The following NFAM1 variants were observed in gnomAD, a reference collection of about 807,000 sequenced individuals.
NFAM1 encodes NFAT activation molecule 1.
Under a neutral mutation model 29.0 loss-of-function variants are expected in NFAM1, and 17 were observed. That is an observed-to-expected ratio of 0.59 (90% confidence interval 0.40 to 0.88). NFAM1 has a LOEUF of 0.88. NFAM1 is among the 40% of genes least tolerant of loss of function. NFAM1 has a pLI of 0.00. For missense variants in NFAM1, 324 were observed against 344.6 expected (o/e 0.94, Z 0.47); for synonymous variants, 175 against 147.2 (o/e 1.19, Z -1.36).
At chr22:42,436,900 C>T (rs1425948201), upstream of NFAM1, 20 of 530,692 alleles carry the variant, frequency 3.8e-5, no homozygotes, top group South Asian at 8.1e-5. Flanking sequence ...TTAATCAGGG[C>T]AGATATTATA....
chr22:42,427,966 C>T (rs762546037), intron 1 of NFAM1, among the ~76,000 whole-genome samples: 21 of 152,246 alleles, frequency 1.4e-4, no homozygotes, highest in Non-Finnish European at 2.2e-4. Flanking sequence ...CATTCTTGAC[C>T]TGGTGAGAGT....
chr22:42,407,735 G>A (rs1056439702), intron 3 of NFAM1, among the ~76,000 whole-genome samples: 1 of 151,998 alleles, frequency 6.6e-6, no homozygotes, highest in Admixed American at 6.6e-5. Flanking sequence ...GACCACAGGT[G>A]CATGCTACCA....
At chr22:42,428,313 G>A (rs1334300844) in intron 1 of NFAM1, among the ~76,000 whole-genome samples, 1 of 152,154 alleles carries the variant, frequency 6.6e-6, no homozygotes, top group Non-Finnish European at 1.5e-5. Flanking sequence ...CCTGTGCCTC[G>A]AAAGTCCTTT....
In NFAM1 at chr22:42,411,645, G is replaced by A. The variant is rs149512432; in HGVS notation, c.213C>T (p.Tyr71=). Residue 71 remains tyrosine (Y), a synonymous_variant, in exon 2 of 6, where the codon TAC becomes TAT. Coordinates refer to ENST00000329021, the MANE Select transcript of NFAM1 (RefSeq NM_145912.8). ...ISFSCRITYP[Y]TPQFKVFTVS... ...CTGTGAAAACCTTGAATTGGGGAGT[G>A]TATGGATAGGTGATCCTGCAGCTGA... 2.4e-5 allele frequency: 39 copies of A among 1,613,876 alleles called. No individual in the cohort carries two copies. Among genetic ancestry groups the A allele is most frequent in the Middle Eastern group, 1.6e-4 (1 of 6,082 alleles).
At chr22:42,416,963 G>C (rs1930280457) in intron 1 of NFAM1, among the ~76,000 whole-genome samples, 1 of 152,112 alleles carries the variant, frequency 6.6e-6, no homozygotes. Flanking sequence ...GGGAGTGAGA[G>C]CCACAGAATT....
In NFAM1 at chr22:42,415,135, C is replaced by T. The variant is rs943265363; in HGVS notation, c.122-3399G>A. 1.4e-4 allele frequency among the ~76,000 whole-genome samples: 21 copies of T among 152,114 alleles called. No individual in the cohort carries two copies. In the East Asian group the frequency reaches 3.1e-3, roughly 22 times the overall value. On this transcript the variant is annotated intron_variant, in intron 1 of 5. Transcript: ENST00000329021. ...AGTAAAGAGAGGAAGCCGTCTCTGA[C>T]GAGCTCAGTCAATAACAACGTCCAG... is the stretch of plus-strand genomic sequence containing the variant.
intron 4 of NFAM1, among the ~76,000 whole-genome samples, chr22:42,393,107 T>C (rs1276524601): frequency 6.6e-6 from 1 of 152,014 alleles, no homozygotes; most frequent in Admixed American, 6.6e-5. Context: ...TAGTAAAGCT[T>C]TTTTTTTCAT....
In NFAM1 at chr22:42,411,495, C is replaced by T. The variant is rs140446619; in HGVS notation, c.363G>A (p.Pro121=). The stretch of plus-strand genomic sequence containing the variant: ...AGTAGGTGCCAGTGGCCGATGCTCC[C>T]GGCAGCACAAGGGTGACCTGGCAGT... ...TLDCQVTLVL[P]GASATGTYYC... is the part of the protein sequence containing the mutation. The change falls in exon 2 of 6, where the codon CCG becomes CCA. Residue 121 remains proline, a synonymous_variant. Coordinates refer to ENST00000329021, the MANE Select transcript of NFAM1 (RefSeq NM_145912.8). 90 of 1,614,174 alleles carry T rather than the reference C, an allele frequency of 5.6e-5. No homozygotes were observed. The highest frequency in any genetic ancestry group is 6.2e-5 in the Non-Finnish European group (73 of 1,180,010).
chr22:42,409,738 G>C lies in NFAM1; in HGVS notation c.452-191C>G, dbSNP rs1053038110. Among the ~76,000 whole-genome samples, 25 of 152,258 alleles carry C rather than the reference G, an allele frequency of 1.6e-4. No homozygotes were observed. The highest frequency in any genetic ancestry group is 1.0e-3 in the South Asian group (5 of 4,830). The stretch of plus-strand genomic sequence containing the variant: ...CCCCTCACTCCTTTTCATGCTCACT[G>C]CCTTGCTTCTCTGTAAGGACAGGGG... On this transcript the variant is annotated intron_variant, in intron 2 of 5. Transcript: ENST00000329021. This position sits in a 1 kb window ranked among gnomAD's most constrained non-coding sequence, Gnocchi z 4.9.
upstream of NFAM1, among the ~76,000 whole-genome samples, chr22:42,434,650 A>G (rs1229856471): frequency 6.6e-6 from 1 of 152,204 alleles, no homozygotes; most frequent in Non-Finnish European, 1.5e-5. Flanking sequence ...ATTTCTACCA[A>G]AACTTTCTAG....
chr22:42,407,380 C>G (rs1378081537), intron 3 of NFAM1, among the ~76,000 whole-genome samples: 2 of 151,588 alleles, frequency 1.3e-5, no homozygotes, highest in Non-Finnish European at 2.9e-5. Flanking sequence ...CCGCACCCAG[C>G]CTTTTATTTA....
At chr22:42,428,375 G>A (rs1452393874) in intron 1 of NFAM1, among the ~76,000 whole-genome samples, 1 of 152,236 alleles carries the variant, frequency 6.6e-6, no homozygotes, top group African/African-American at 2.4e-5. Flanking sequence ...ACAGAGGTCC[G>A]GAGCGGCGGG....
At chr22:42,386,869 A>G in intron 5 of NFAM1, 120 bp downstream of exon 5, 2 of 600,162 alleles carry the variant, frequency 3.3e-6, no homozygotes, top group African/African-American at 1.9e-5. Flanking sequence ...CCACCAGGAG[A>G]TGGCTGGGAT....
intron 1 of NFAM1, among the ~76,000 whole-genome samples, chr22:42,417,236 G>T (rs1340213018): frequency 6.6e-6 from 1 of 152,220 alleles, no homozygotes; most frequent in Non-Finnish European, 1.5e-5. Flanking sequence ...TGTTACACAG[G>T]GTTAGAGATG....
At chr22:42,398,784 A>AGTAG (rs1327832163) in intron 3 of NFAM1, among the ~76,000 whole-genome samples, 1 of 152,160 alleles carries the variant, frequency 6.6e-6, no homozygotes, top group Non-Finnish European at 1.5e-5. Context: ...GGGCACAAGG[A>AGTAG]GTAGGTGCCT....
chr22:42,390,741 C>T (rs1929307163), intron 4 of NFAM1, among the ~76,000 whole-genome samples: 2 of 147,478 alleles, frequency 1.4e-5, no homozygotes, highest in Admixed American at 6.9e-5. Flanking sequence ...CACTTGAACC[C>T]GGGAGGTAGA....
In NFAM1 at chr22:42,419,006, C is replaced by T. The variant is rs912964934; in HGVS notation, c.122-7270G>A. On this transcript the variant is annotated intron_variant, in intron 1 of 5. Coordinates refer to ENST00000329021, the MANE Select transcript of NFAM1 (RefSeq NM_145912.8). This position sits in a 1 kb window ranked among gnomAD's most constrained non-coding sequence, Gnocchi z 4.5. ...ACGGGTGCCTGAGTCCTTCCTTTTCCGGTTCTTCTTATGAATCTGTGGCTG... is the reference window on the plus strand; with the variant it reads ...ACGGGTGCCTGAGTCCTTCCTTTTCTGGTTCTTCTTATGAATCTGTGGCTG... Among the ~76,000 whole-genome samples the T allele has an allele frequency of 2.0e-5, 3 of 152,144 alleles. No homozygotes were observed. Among genetic ancestry groups the T allele is most frequent in the Non-Finnish European group, 4.4e-5 (3 of 68,024 alleles).
intron 3 of NFAM1, among the ~76,000 whole-genome samples, chr22:42,403,088 C>T (rs907994116): frequency 1.3e-5 from 2 of 151,822 alleles, no homozygotes; most frequent in African/African-American, 2.4e-5. Context: ...CCACCCACCT[C>T]GGACTCCCAA....
intron 3 of NFAM1, among the ~76,000 whole-genome samples, chr22:42,408,958 TGGAGGGTGTTTGGGAGGGTGTGTG>T (rs999375336): frequency 4.6e-5 from 7 of 152,094 alleles, no homozygotes; most frequent in Non-Finnish European, 8.8e-5. Flanking sequence ...GGAGCTATGC[TGGAGGGTGTTTGGGAGGGTGTGTG>T]GGAGGGTGTG....
Sources: gnomAD v4.1 joint callset for allele counts (sites outside exome capture counted in the v4.1 genomes callset) on GRCh38, gnomAD v4.1.1 for gene constraint, Gnocchi (gnomAD v3.1) non-coding constraint, MANE v1.5 for transcripts, NCBI Gene and HGNC (gene_info 2026-07-23, HGNC 2026-07-21) for gene names.